CHN1: variants seen among roughly 807,000 people sequenced by gnomAD.
CHN1 encodes the protein N-chimaerin.
In CHN1, 37 loss-of-function variants were observed where a neutral mutation model predicts 59.5. The observed-to-expected ratio is 0.62, with a 90% confidence interval of 0.48 to 0.82. The LOEUF (loss-of-function observed/expected upper bound fraction) is 0.82. Ranked by LOEUF, CHN1 falls within the 40% of genes least tolerant of loss-of-function variation. The pLI is 0.00. For synonymous variants in CHN1, 206 were observed against 200.4 expected, an observed-to-expected ratio of 1.03 and a Z score of -0.24; for missense variants, 469 against 571.0, an observed-to-expected ratio of 0.82 and a Z score of 1.82.
chr2:174,904,802 G>A (rs760676160), intron 5 of CHN1, among the ~76,000 whole-genome samples: 2 of 152,146 alleles, frequency 1.3e-5, no homozygotes, highest in Non-Finnish European at 2.9e-5. Flanking sequence ...TCTACCACAT[G>A]GTCTTATTTT....
At chr2:174,820,783 A>G (rs186036221) in intron 8 of CHN1, among the ~76,000 whole-genome samples, 1 of 152,324 alleles carries the variant, frequency 6.6e-6, no homozygotes, top group Admixed American at 6.5e-5. Context: ...CGACTCCTAC[A>G]GCAACTTTGC....
chr2:174,989,456 C>T (rs1470983038), intron 1 of CHN1, among the ~76,000 whole-genome samples: 1 of 151,986 alleles, frequency 6.6e-6, no homozygotes, highest in Admixed American at 6.6e-5. Context: ...GCTGAAAACA[C>T]ACAGTAAGCA....
At chr2:174,942,650 T>C (rs1041382290) in intron 3 of CHN1, among the ~76,000 whole-genome samples, 8 of 152,218 alleles carry the variant, frequency 5.3e-5, no homozygotes, top group African/African-American at 9.6e-5. Flanking sequence ...GTAATGGATA[T>C]GCTAATTACC....
At chr2:174,925,719 G>T (rs1363184907) in intron 3 of CHN1, among the ~76,000 whole-genome samples, 1 of 152,164 alleles carries the variant, frequency 6.6e-6, no homozygotes, top group East Asian at 1.9e-4. Context: ...TCAACCAATT[G>T]CCAATCAAAA....
At chr2:174,813,341 G>A (rs1172949642) in intron 8 of CHN1, among the ~76,000 whole-genome samples, 1 of 152,216 alleles carries the variant, frequency 6.6e-6, no homozygotes, top group Non-Finnish European at 1.5e-5. Flanking sequence ...GGAAAGGGGT[G>A]TGGAGGTTCC....
intron 1 of CHN1, among the ~76,000 whole-genome samples, chr2:174,960,269 A>T (rs1367931516): frequency 6.6e-6 from 1 of 152,214 alleles, no homozygotes; most frequent in Non-Finnish European, 1.5e-5. Flanking sequence ...AGAATATCAC[A>T]ATATTACTTT....
chr2:174,909,039 A>T (rs1688618796), intron 5 of CHN1, among the ~76,000 whole-genome samples: 1 of 152,202 alleles, frequency 6.6e-6, no homozygotes, highest in Admixed American at 6.5e-5. Flanking sequence ...AAACTCTTTG[A>T]CACCTGCCCT....
intron 5 of CHN1, among the ~76,000 whole-genome samples, chr2:174,901,988 A>AC (rs1688400114): frequency 6.6e-6 from 1 of 152,192 alleles, no homozygotes; most frequent in African/African-American, 2.4e-5. Context: ...AAAAAAGCAT[A>AC]CCATAATATA....
chr2:174,974,389 A>C (rs1475369046), intron 1 of CHN1, among the ~76,000 whole-genome samples: 1 of 152,196 alleles, frequency 6.6e-6, no homozygotes, highest in Non-Finnish European at 1.5e-5. Context: ...TGAAAAGCAA[A>C]AGGTCATTGT....
chr2:174,963,611 G>C (rs897815586), intron 1 of CHN1, among the ~76,000 whole-genome samples: 6 of 152,204 alleles, frequency 3.9e-5, no homozygotes, highest in Admixed American at 6.5e-5. Flanking sequence ...TCAGGCCCTG[G>C]AGGGAACCTG....
intron 5 of CHN1, among the ~76,000 whole-genome samples, chr2:174,900,690 A>G (rs1447807791): frequency 6.6e-6 from 1 of 152,114 alleles, no homozygotes; most frequent in African/African-American, 2.4e-5. Context: ...CTGTATGCCC[A>G]GCTACACGGG....
chr2:174,810,112 C>T (rs1359036831), intron 10 of CHN1, among the ~76,000 whole-genome samples: 1 of 152,168 alleles, frequency 6.6e-6, no homozygotes, highest in Non-Finnish European at 1.5e-5. Context: ...AGTGATCATC[C>T]TTAATTACTC....
chr2:174,970,571 T>C (rs1423735749), intron 1 of CHN1, among the ~76,000 whole-genome samples: 1 of 152,230 alleles, frequency 6.6e-6, no homozygotes, highest in East Asian at 1.9e-4. Context: ...TTCTAAGATA[T>C]ATTGCATAAT....
At chr2:174,868,460 T>G (rs1350586681) in intron 6 of CHN1, among the ~76,000 whole-genome samples, 1 of 152,144 alleles carries the variant, frequency 6.6e-6, no homozygotes, top group Non-Finnish European at 1.5e-5. Context: ...GGCTGCTTCC[T>G]TAGAGAGCAA....
chr2:174,988,356 CAAAA>C (rs368043665), intron 1 of CHN1, among the ~76,000 whole-genome samples: 4 of 61,396 alleles, frequency 6.5e-5, no homozygotes, highest in Non-Finnish European at 1.1e-4. Flanking sequence ...AACTCCGTCT[CAAAA>C]AAAAAAAAAA....
chr2:174,921,816 T>C (rs1037864739), intron 3 of CHN1, among the ~76,000 whole-genome samples: 22 of 152,276 alleles, frequency 1.4e-4, no homozygotes, highest in African/African-American at 5.3e-4. Context: ...GAGAACTCCA[T>C]GAAGGTAACT....
chr2:174,844,150 C>G (rs1004004912), intron 7 of CHN1, among the ~76,000 whole-genome samples: 1 of 151,142 alleles, frequency 6.6e-6, no homozygotes, highest in Non-Finnish European at 1.5e-5. Context: ...AGGGATATAA[C>G]TATCCTTCTT....
At chr2:174,872,716 G>C (rs1687447749) in intron 6 of CHN1, among the ~76,000 whole-genome samples, 2 of 152,150 alleles carry the variant, frequency 1.3e-5, no homozygotes. Flanking sequence ...TGAACTTAAA[G>C]AGCAGTTCAA....
chr2:174,888,595 G>C (rs532584387), intron 5 of CHN1, among the ~76,000 whole-genome samples: 1 of 152,192 alleles, frequency 6.6e-6, no homozygotes, highest in Non-Finnish European at 1.5e-5. Flanking sequence ...AACCAGTTAA[G>C]AAGTTGCAGT....
Sources: allele counts gnomAD v4.1 joint callset (sites outside exome capture counted in the v4.1 genomes callset), GRCh38; gene constraint gnomAD v4.1.1; transcripts MANE v1.5; gene names NCBI Gene and HGNC (gene_info 2026-07-23, HGNC 2026-07-21).